ARHGAP32: variants seen among roughly 807,000 people sequenced by gnomAD.
The protein encoded by ARHGAP32 is rho GTPase-activating protein 32.
A neutral mutation model predicts 186.5 loss-of-function variants in ARHGAP32; 51 were observed. The ratio of observed to expected loss-of-function variants is 0.27; its 90% CI spans 0.22 to 0.35. The LOEUF (loss-of-function observed/expected upper bound fraction) is 0.35. Among genes scored for constraint, ARHGAP32 ranks in the 10% least tolerant of loss-of-function variants. The probability of loss-of-function intolerance (pLI) is 1.00; values close to 1 mark genes in which losing one functional copy is unlikely to be tolerated. For missense variants in ARHGAP32, 2,186 were observed against 2,623.5 expected (o/e 0.83, Z 3.64); for synonymous variants, 950 against 964.3 (o/e 0.99, Z 0.27).
intron 10 of ARHGAP32, among the ~76,000 whole-genome samples, chr11:129,061,553 C>T (rs1212611850): frequency 2.0e-5 from 3 of 152,122 alleles, no homozygotes; most frequent in Non-Finnish European, 4.4e-5. Context: ...TTGAACACAG[C>T]ACCTTAATAC....
In ARHGAP32 at chr11:128,972,887, G is replaced by C. The variant is rs1327949270; in HGVS notation, c.3619C>G (p.Pro1207Ala). ...TCCTGATCCAAGAAGGAGACAGTTG[G>C]CATACTGTTCTTCCCAGACTGGTCT... ...PEDQSGKNSM[P>A]TVSFLDQDQS... The change falls in exon 22 of 23, where the codon CCA becomes GCA. Residue 1207 changes from proline (P) to alanine (A), a missense_variant. Transcript: ENST00000682385. 1.6e-5 allele frequency: 26 copies of C among 1,613,808 alleles called. No individual in the cohort carries two copies. Among genetic ancestry groups the C allele is most frequent in the Non-Finnish European group, 2.1e-5 (25 of 1,180,000 alleles).
chr11:129,115,780 A>G (rs1735169980), intron 5 of ARHGAP32, among the ~76,000 whole-genome samples: 1 of 152,026 alleles, frequency 6.6e-6, no homozygotes, highest in Admixed American at 6.6e-5. Flanking sequence ...TCTCTCCCCC[A>G]AGCCATGTTT....
intron 11 of ARHGAP32, among the ~76,000 whole-genome samples, chr11:129,021,562 G>A (rs1398818607): frequency 6.6e-6 from 1 of 151,900 alleles, no homozygotes; most frequent in Non-Finnish European, 1.5e-5. Context: ...GTTAAGATAA[G>A]ACTATTATTA....
intron 11 of ARHGAP32, among the ~76,000 whole-genome samples, chr11:129,011,556 G>A (rs1378062190): frequency 6.6e-6 from 1 of 152,154 alleles, no homozygotes; most frequent in South Asian, 2.1e-4. Context: ...GGTATGAAAT[G>A]AGGCTCAAGG....
Position 129,124,840 on chromosome 11 carries a change from C to CA in ARHGAP32, c.279dup (p.Gly94TrpfsTer9), listed in dbSNP as rs1565434012. ...TTAACCTTCATACTGGCTGTACTGC[C>CA]ACACGTCTTAAGAGTAAGATCTCCA... On this transcript the variant is annotated frameshift_variant, in exon 3 of 23. Transcript: ENST00000682385. LOFTEE classifies it high-confidence loss of function. 6.2e-7 allele frequency: 1 copy of CA among 1,611,100 alleles called. No homozygotes were observed. Among genetic ancestry groups the CA allele is most frequent in the South Asian group, 1.1e-5 (1 of 90,698 alleles).
At chr11:129,018,426 TAG>T (rs1225632467) in intron 11 of ARHGAP32, among the ~76,000 whole-genome samples, 4 of 152,216 alleles carry the variant, frequency 2.6e-5, no homozygotes, top group Non-Finnish European at 5.9e-5. Context: ...GATTTACAGT[TAG>T]AGTCTTAAGT....
At chr11:129,191,758 T>G (rs1368873186) in intron 1 of ARHGAP32, among the ~76,000 whole-genome samples, 1 of 152,078 alleles carries the variant, frequency 6.6e-6, no homozygotes, top group African/African-American at 2.4e-5. Flanking sequence ...ATCAAATCTA[T>G]TTGATACAAA....
chr11:129,044,760 C>G (rs1591561163), intron 10 of ARHGAP32, among the ~76,000 whole-genome samples: 1 of 152,216 alleles, frequency 6.6e-6, no homozygotes, highest in Non-Finnish European at 1.5e-5. Flanking sequence ...GTTCTGTGAT[C>G]TATGGCAAAC....
intron 1 of ARHGAP32, among the ~76,000 whole-genome samples, chr11:129,232,508 T>C (rs1211812791): frequency 1.3e-5 from 2 of 152,184 alleles, no homozygotes; most frequent in African/African-American, 2.4e-5. Context: ...ATTTGAACTT[T>C]CAAGTAAAAG....
chr11:129,017,457 A>AAAAAAG (rs1565377924), intron 11 of ARHGAP32, among the ~76,000 whole-genome samples: 1 of 151,620 alleles, frequency 6.6e-6, no homozygotes, highest in African/African-American at 2.4e-5. Context: ...CAAAAAAAAA[A>AAAAAAG]AAAAAGAAAA....
At chr11:129,240,646 TTAAG>T (rs1434050094) in intron 1 of ARHGAP32, among the ~76,000 whole-genome samples, 9 of 152,326 alleles carry the variant, frequency 5.9e-5, no homozygotes, top group African/African-American at 2.2e-4. Flanking sequence ...TAAACAAGTA[TTAAG>T]TATTTGTGAA....
intron 2 of ARHGAP32, among the ~76,000 whole-genome samples, chr11:129,163,132 T>A (rs1461441454): frequency 4.6e-5 from 7 of 152,204 alleles, no homozygotes; most frequent in Non-Finnish European, 1.0e-4. Flanking sequence ...GCCTTCCTAG[T>A]GACAAATATG....
chr11:129,145,055 C>T (rs1041897139), intron 2 of ARHGAP32, among the ~76,000 whole-genome samples: 1 of 152,114 alleles, frequency 6.6e-6, no homozygotes, highest in Non-Finnish European at 1.5e-5. Flanking sequence ...TCCTTTCCTT[C>T]ATCTCAGTCC....
At chr11:129,234,563 T>G (rs1295258734) in intron 1 of ARHGAP32, among the ~76,000 whole-genome samples, 3 of 152,166 alleles carry the variant, frequency 2.0e-5, no homozygotes, top group African/African-American at 7.2e-5. Context: ...CAATATAATC[T>G]ATATATCTGC....
At chr11:129,192,698 A>G (rs1944293372), upstream of ARHGAP32, among the ~76,000 whole-genome samples, 1 of 152,122 alleles carries the variant, frequency 6.6e-6, no homozygotes, top group Admixed American at 6.5e-5. Context: ...AGTAGAGAAG[A>G]TAAGTATGCT....
At chr11:129,137,175 C>T (rs1206664854) in intron 2 of ARHGAP32, among the ~76,000 whole-genome samples, 1 of 151,070 alleles carries the variant, frequency 6.6e-6, no homozygotes, top group Non-Finnish European at 1.5e-5. Flanking sequence ...AACAGGTTAC[C>T]TTCTAACTAA....
intron 14 of ARHGAP32, 54 bp downstream of exon 14, chr11:128,986,470 A>G (rs1166853151): frequency 3.1e-6 from 5 of 1,590,990 alleles, no homozygotes; most frequent in Non-Finnish European, 4.3e-6. Flanking sequence ...TGTTTTGAAC[A>G]AAAGCACAGC....
chr11:129,126,109 T>A (rs926719712), intron 2 of ARHGAP32: 41 of 248,026 alleles, frequency 1.7e-4, no homozygotes, highest in Non-Finnish European at 2.8e-4. Context: ...TAGAAAAAAA[T>A]TTTAAGACTA....
intron 6 of ARHGAP32, among the ~76,000 whole-genome samples, chr11:129,093,321 T>A (rs905107034): frequency 6.6e-6 from 1 of 152,090 alleles, no homozygotes; most frequent in Non-Finnish European, 1.5e-5. Context: ...TCATTGTTAT[T>A]TACTCATAAG....
Sources: gnomAD v4.1 joint callset for allele counts (sites outside exome capture counted in the v4.1 genomes callset) on GRCh38, gnomAD v4.1.1 for gene constraint, MANE v1.5 for transcripts, NCBI Gene and HGNC (gene_info 2026-07-23, HGNC 2026-07-21) for gene names.